Variants in TSGA10 observed in about 807,000 individuals in gnomAD.
TSGA10 encodes testis-specific gene 10 protein.
TSGA10 carries 43 observed loss-of-function variants against 96.6 expected under a neutral mutation model. The observed-to-expected ratio is 0.44, with a 90% CI of 0.35 to 0.57. The LOEUF (loss-of-function observed/expected upper bound fraction) is 0.57. TSGA10 is among the 20% of genes least tolerant of loss of function. The pLI, the probability that TSGA10 is intolerant of heterozygous loss-of-function variation, is 0.01. For synonymous variants in TSGA10, 229 were observed against 269.9 expected (o/e 0.85, Z 1.48); for missense variants, 703 against 834.4 (o/e 0.84, Z 1.94).
chr2:99,044,176 CA>C (rs1390310897), intron 16 of TSGA10, among the ~76,000 whole-genome samples: 2 of 151,802 alleles, frequency 1.3e-5, no homozygotes, highest in African/African-American at 4.8e-5. Context: ...TCACACATAA[CA>C]ATATTAACCT....
At position 99,051,756 on chromosome 2, in the gene TSGA10, T is replaced by C. The variant is rs185427984; in HGVS notation, c.1404+13183A>G. Among the ~76,000 whole-genome samples the C allele has an allele frequency of 2.0e-5, 3 of 152,046 alleles. No homozygotes were observed. In the East Asian group the frequency reaches 5.8e-4, roughly 29 times the overall value. ...ATACAACAAAATCAAGAAATTTTTT[T>C]AAGCTGTAAAAATATAAAGTATGTT... On this transcript the variant is annotated intron_variant, in intron 16 of 20. Coordinates refer to ENST00000393483, the MANE Select transcript of TSGA10 (RefSeq NM_025244.4).
intron 20 of TSGA10, among the ~76,000 whole-genome samples, chr2:99,005,440 A>T (rs540862294): frequency 1.3e-4 from 20 of 152,344 alleles, no homozygotes; most frequent in Middle Eastern, 3.4e-3. Flanking sequence ...CAACTTCAGC[A>T]AAGTCTCAGG....
intron 10 of TSGA10, among the ~76,000 whole-genome samples, chr2:99,097,988 C>T (rs759443703): frequency 8.6e-5 from 13 of 151,994 alleles, no homozygotes; most frequent in African/African-American, 1.2e-4. Flanking sequence ...AACGTATATG[C>T]ACCTAATAAC....
At chr2:99,073,138 G>T in intron 12 of TSGA10, 65 bp from the exon 13 acceptor site, 1 of 1,102,480 alleles carries the variant, frequency 9.1e-7, no homozygotes, top group South Asian at 1.5e-5. Context: ...AAAATTGAAT[G>T]AACAAAAAGA....
intron 20 of TSGA10, among the ~76,000 whole-genome samples, chr2:99,003,927 A>G (rs1156536605): frequency 1.3e-5 from 2 of 152,200 alleles, no homozygotes; most frequent in Non-Finnish European, 2.9e-5. Flanking sequence ...AAAAGCTAGC[A>G]GAAGACAAAT....
chr2:99,098,204 G>C (rs1025165066), intron 10 of TSGA10, among the ~76,000 whole-genome samples: 1 of 152,026 alleles, frequency 6.6e-6, no homozygotes, highest in Non-Finnish European at 1.5e-5. Context: ...TTGGGAGGCT[G>C]AGGTGGGTGG....
intron 16 of TSGA10, among the ~76,000 whole-genome samples, chr2:99,064,222 A>G (rs2085006140): frequency 1.3e-5 from 2 of 152,206 alleles, no homozygotes; most frequent in African/African-American, 4.8e-5. Flanking sequence ...GTGTTTTATC[A>G]CAGAAAAAAG....
Position 99,134,735 on chromosome 2 carries a change from T to C in TSGA10, c.-620-7559A>G, listed in dbSNP as rs190676587. 1.6e-3 allele frequency among the ~76,000 whole-genome samples: 242 copies of C among 152,300 alleles called. 2 individuals are homozygous for C. Among genetic ancestry groups the C allele is most frequent in the Admixed American group, 8.0e-3 (122 of 15,292 alleles). ...CATGGATTTATCTGCCTTTGGTGTT[T>C]GATGTTGGTGACCTGCAGATGGGGT... On this transcript the variant is annotated intron_variant, in intron 1 of 20. Coordinates refer to ENST00000393483, the MANE Select transcript of TSGA10 (RefSeq NM_025244.4).
chr2:99,066,388 A>C (rs1186896443), intron 15 of TSGA10, among the ~76,000 whole-genome samples: 1 of 152,144 alleles, frequency 6.6e-6, no homozygotes, highest in Non-Finnish European at 1.5e-5. Context: ...TGTACAATAT[A>C]CTTAAACGAA....
intron 1 of TSGA10, among the ~76,000 whole-genome samples, chr2:99,142,607 A>C (rs903845155): frequency 3.3e-5 from 5 of 152,266 alleles, no homozygotes; most frequent in African/African-American, 1.2e-4. Flanking sequence ...TACCAAAAAA[A>C]ATTAAGTGTC....
chr2:99,038,414 C>T (rs1247600029), intron 16 of TSGA10, among the ~76,000 whole-genome samples: 2 of 151,976 alleles, frequency 1.3e-5, no homozygotes, highest in Admixed American at 6.6e-5. Context: ...AAGAGACTCA[C>T]CTAACACATA....
chr2:99,144,731 A>C, intron 1 of TSGA10, among the ~76,000 whole-genome samples: 1 of 151,756 alleles, frequency 6.6e-6, no homozygotes, highest in East Asian at 1.9e-4. Context: ...TAGCAGCAGA[A>C]GTCTGCCATT....
intron 2 of TSGA10, among the ~76,000 whole-genome samples, chr2:99,123,669 G>C (rs1006236050): frequency 6.6e-6 from 1 of 152,000 alleles, no homozygotes; most frequent in Admixed American, 6.6e-5. Context: ...AAAAAACTCT[G>C]TACCCATTAA....
chr2:99,102,281 T>A (rs1369746147), intron 10 of TSGA10: 1 of 1,611,520 alleles, frequency 6.2e-7, no homozygotes, highest in African/African-American at 1.3e-5. Context: ...AGAAAGGAGA[T>A]GTGGAGGGCA....
At chr2:99,079,095 A>G (rs2087111558) in intron 11 of TSGA10, among the ~76,000 whole-genome samples, 1 of 152,220 alleles carries the variant, frequency 6.6e-6, no homozygotes, top group Admixed American at 6.5e-5. Context: ...GACTTAATGT[A>G]TGATGGGAAA....
intron 1 of TSGA10, chr2:99,141,432 C>T (rs912707984): frequency 5.6e-6 from 1 of 179,926 alleles, no homozygotes; most frequent in African/African-American, 2.4e-5. Context: ...GCGTACCTGG[C>T]TCGACCTTCC....
At chr2:99,052,330 A>T (rs1037897727) in intron 16 of TSGA10, among the ~76,000 whole-genome samples, 1 of 152,138 alleles carries the variant, frequency 6.6e-6, no homozygotes, top group Non-Finnish European at 1.5e-5. Context: ...ACTACTGTGA[A>T]CAATTATATG....
At chr2:99,019,572 A>C (rs1190153688) in intron 18 of TSGA10, among the ~76,000 whole-genome samples, 1 of 152,198 alleles carries the variant, frequency 6.6e-6, no homozygotes, top group Non-Finnish European at 1.5e-5. Context: ...TGCTGAGACC[A>C]TGCTTCTTAT....
In TSGA10 at chr2:99,147,384, C is replaced by T. The variant is rs1574766223; in HGVS notation, c.-621+7309G>A. 8 of 1,288,774 alleles carry T rather than the reference C, an allele frequency of 6.2e-6. No homozygotes were observed. The East Asian group carries it at 1.8e-4, about 30-fold the overall frequency. The allele number at this position is 1,288,774 out of a possible 1,614,324, so 79.8% of individuals were successfully genotyped here. ...ATTTATCTCTTTATGTACCTTTATT[C>T]TTACATATATATTCCAGATTTCTTC... On this transcript the variant is annotated intron_variant, in intron 1 of 20. Transcript: ENST00000393483.
Sources: gnomAD v4.1 joint callset for allele counts (sites outside exome capture counted in the v4.1 genomes callset) on GRCh38, gnomAD v4.1.1 for gene constraint, MANE v1.5 for transcripts, NCBI Gene and HGNC (gene_info 2026-07-23, HGNC 2026-07-21) for gene names.